Variants in UBASH3B observed in about 807,000 individuals in gnomAD.
The protein encoded by UBASH3B is ubiquitin associated and SH3 domain containing B.
A neutral mutation model predicts 83.4 loss-of-function variants in UBASH3B; 37 were observed. The ratio of observed to expected loss-of-function variants is 0.44; its 90% confidence interval spans 0.34 to 0.58. The LOEUF is 0.58. Ranked by LOEUF, UBASH3B falls within the 20% of genes least tolerant of loss-of-function variation. UBASH3B has a pLI of 0.01. For synonymous variants in UBASH3B, 304 were observed against 318.3 expected, an observed-to-expected ratio of 0.96 and a Z score of 0.48; for missense variants, 657 against 827.2, an observed-to-expected ratio of 0.79 and a Z score of 2.52.
chr11:122,740,756 A>G (rs1861010880), intron 1 of UBASH3B, among the ~76,000 whole-genome samples: 1 of 152,214 alleles, frequency 6.6e-6, no homozygotes, highest in South Asian at 2.1e-4. Flanking sequence ...GAAGGCAGAA[A>G]GGTCAGTTGA....
chr11:122,769,115 A>C (rs1259739494), intron 1 of UBASH3B, among the ~76,000 whole-genome samples: 1 of 152,200 alleles, frequency 6.6e-6, no homozygotes, highest in Non-Finnish European at 1.5e-5. Flanking sequence ...TCTGCAGACT[A>C]TATGGGAGGC....
intron 1 of UBASH3B, among the ~76,000 whole-genome samples, chr11:122,704,198 T>G (rs143965214): frequency 1.8e-3 from 277 of 152,356 alleles, no homozygotes; most frequent in African/African-American, 6.2e-3. Context: ...AACCTGCCAG[T>G]TGAACAGTCT....
chr11:122,663,046 G>A (rs1223663816), intron 1 of UBASH3B, among the ~76,000 whole-genome samples: 1 of 138,184 alleles, frequency 7.2e-6, no homozygotes, highest in Non-Finnish European at 1.5e-5. Flanking sequence ...GCACAATCCC[G>A]GCTCACTGCA....
intron 3 of UBASH3B, chr11:122,779,282 G>T (rs1411888803): frequency 1.8e-5 from 11 of 607,080 alleles, no homozygotes; most frequent in Non-Finnish European, 2.9e-5. Flanking sequence ...GGAGGGAAGA[G>T]GTCATGTGTT....
intron 1 of UBASH3B, among the ~76,000 whole-genome samples, chr11:122,744,201 C>T (rs1446899522): frequency 5.3e-5 from 8 of 152,136 alleles, no homozygotes; most frequent in African/African-American, 9.7e-5. Context: ...TGAGTACTGC[C>T]GCTTGAATGG....
intron 1 of UBASH3B, among the ~76,000 whole-genome samples, chr11:122,737,925 A>C (rs539406804): frequency 6.6e-6 from 1 of 152,302 alleles, no homozygotes; most frequent in Admixed American, 6.5e-5. Context: ...GTATGGAGAA[A>C]GACTGGACAG....
chr11:122,785,611 G>A (rs1860934191), intron 5 of UBASH3B, among the ~76,000 whole-genome samples: 1 of 152,188 alleles, frequency 6.6e-6, no homozygotes, highest in South Asian at 2.1e-4. Flanking sequence ...CCAACCGATA[G>A]AAATCCAGAG....
At chr11:122,736,301 C>T (rs1860930937) in intron 1 of UBASH3B, among the ~76,000 whole-genome samples, 1 of 151,896 alleles carries the variant, frequency 6.6e-6, no homozygotes, top group South Asian at 2.1e-4. Flanking sequence ...GTAACTCATC[C>T]CTAGAGTTTT....
intron 1 of UBASH3B, among the ~76,000 whole-genome samples, chr11:122,679,316 T>A (rs1281788157): frequency 6.6e-6 from 1 of 152,176 alleles, no homozygotes; most frequent in Non-Finnish European, 1.5e-5. Flanking sequence ...TGGCGACAAT[T>A]GCATGGTACT....
intron 5 of UBASH3B, among the ~76,000 whole-genome samples, chr11:122,788,771 T>G (rs1467482603): frequency 1.3e-5 from 2 of 152,114 alleles, no homozygotes; most frequent in Non-Finnish European, 2.9e-5. Flanking sequence ...TAGGTCCATG[T>G]CCATTTATAC....
At chr11:122,743,439 C>T (rs1214579761) in intron 1 of UBASH3B, among the ~76,000 whole-genome samples, 1 of 152,120 alleles carries the variant, frequency 6.6e-6, no homozygotes, top group Admixed American at 6.5e-5. Context: ...TAGTCTCAAA[C>T]TTCTGGGCTC....
chr11:122,744,942 C>A (rs1034375945), intron 1 of UBASH3B, among the ~76,000 whole-genome samples: 1 of 141,124 alleles, frequency 7.1e-6, no homozygotes, highest in African/African-American at 2.7e-5. Context: ...CCGCACAGCC[C>A]GGGGAAGGGC....
chr11:122,703,114 C>T (rs1864066159), intron 1 of UBASH3B, among the ~76,000 whole-genome samples: 1 of 152,046 alleles, frequency 6.6e-6, no homozygotes. Flanking sequence ...TGGTGGTGGA[C>T]ATGCCACTTC....
At chr11:122,706,760 G>A (rs7942893) in intron 1 of UBASH3B, among the ~76,000 whole-genome samples, 4,150 of 152,256 alleles carry the variant, frequency 0.027, 177 homozygotes, top group African/African-American at 0.095. Context: ...ATACTGAAAA[G>A]GGAATATAAG....
intron 1 of UBASH3B, among the ~76,000 whole-genome samples, chr11:122,768,151 T>C (rs1420941024): frequency 2.6e-5 from 4 of 152,168 alleles, no homozygotes; most frequent in African/African-American, 9.7e-5. Context: ...CCTCCACAAA[T>C]CTCAAGCTGC....
In UBASH3B at chr11:122,806,653, T is replaced by C; in HGVS notation, c.1702+137T>C. 2 of 1,255,562 alleles carry C rather than the reference T, an allele frequency of 1.6e-6. No homozygotes were observed. The highest frequency in any genetic ancestry group is 2.1e-6 in the Non-Finnish European group (2 of 966,328). The allele number at this position is 1,255,562 out of a possible 1,614,324, so 77.8% of individuals were successfully genotyped here. On this transcript the variant is annotated intron_variant, in intron 12 of 13. Transcript: ENST00000284273. This position sits in a 1 kb window ranked among gnomAD's most constrained non-coding sequence, Gnocchi z 4.0. ...TTCCAGATTTTCTTCCAGATACTTT[T>C]ACATTAAATTTGTAATATTCTCTGA...
At chr11:122,661,508 A>G (rs1863437525) in intron 1 of UBASH3B, among the ~76,000 whole-genome samples, 1 of 152,148 alleles carries the variant, frequency 6.6e-6, no homozygotes. Context: ...CCTTGGATAG[A>G]CAGAAAGAGG....
At chr11:122,700,606 C>T (rs1169792864) in intron 1 of UBASH3B, among the ~76,000 whole-genome samples, 2 of 149,474 alleles carry the variant, frequency 1.3e-5, no homozygotes, top group East Asian at 4.1e-4. Flanking sequence ...AAACAATTCT[C>T]CTGCCTCAGC....
At chr11:122,680,500 GT>G in intron 1 of UBASH3B, among the ~76,000 whole-genome samples, 1 of 152,160 alleles carries the variant, frequency 6.6e-6, no homozygotes, top group Non-Finnish European at 1.5e-5. Context: ...TTTCGCTCTT[GT>G]TGCCCAGGCT....
Sources: gnomAD v4.1 joint callset for allele counts (sites outside exome capture counted in the v4.1 genomes callset) on GRCh38, gnomAD v4.1.1 for gene constraint, Gnocchi (gnomAD v3.1) non-coding constraint, MANE v1.5 for transcripts, NCBI Gene and HGNC (gene_info 2026-07-23, HGNC 2026-07-21) for gene names.